The following RNF157 variants were observed in gnomAD, a reference collection of about 807,000 sequenced individuals.
RNF157 encodes the protein E3 ubiquitin ligase RNF157.
A neutral mutation model predicts 88.3 loss-of-function variants in RNF157; 55 were observed. The ratio of observed to expected loss-of-function variants is 0.62; its 90% CI spans 0.50 to 0.78. The LOEUF (loss-of-function observed/expected upper bound fraction) is 0.78, where lower values mean the gene tolerates loss of function less well. Ranked by LOEUF, RNF157 falls within the 30% of genes least tolerant of loss-of-function variation. The pLI, the probability that RNF157 is intolerant of heterozygous loss-of-function variation, is 0.00. For missense variants in RNF157, 788 were observed against 860.8 expected (o/e 0.92, Z 1.06); for synonymous variants, 334 against 341.2 (o/e 0.98, Z 0.23).
At chr17:76,204,872 C>T (rs190633038) in intron 2 of RNF157, among the ~76,000 whole-genome samples, 3 of 151,436 alleles carry the variant, frequency 2.0e-5, no homozygotes, top group Admixed American at 6.6e-5. Flanking sequence ...GAAACCTGTG[C>T]ATCCTGGGTT....
At chr17:76,169,551 T>C (rs1161605694) in intron 3 of RNF157, among the ~76,000 whole-genome samples, 2 of 150,036 alleles carry the variant, frequency 1.3e-5, no homozygotes, top group African/African-American at 4.9e-5. Context: ...GGATTAGAGG[T>C]GTGAGCCACC....
intron 2 of RNF157, among the ~76,000 whole-genome samples, chr17:76,206,426 C>T (rs2069683179): frequency 6.6e-6 from 1 of 152,150 alleles, no homozygotes; most frequent in African/African-American, 2.4e-5. Context: ...GTAACTGATT[C>T]ACAGATACCT....
intron 2 of RNF157, among the ~76,000 whole-genome samples, chr17:76,178,743 G>GT (rs1478144645): frequency 6.6e-6 from 1 of 152,154 alleles, no homozygotes; most frequent in African/African-American, 2.4e-5. Context: ...ATTTTTGCAG[G>GT]TAAGAAAACA....
chr17:76,193,651 G>C (rs73996170), intron 2 of RNF157, among the ~76,000 whole-genome samples: 3 of 151,960 alleles, frequency 2.0e-5, no homozygotes, highest in Admixed American at 6.6e-5. Flanking sequence ...CTAAGGTAAC[G>C]TGAGAGTTAA....
At chr17:76,212,298 T>A in intron 2 of RNF157, 66 bp downstream of exon 2, 1 of 1,158,102 alleles carries the variant, frequency 8.6e-7, no homozygotes, top group Non-Finnish European at 1.3e-6. Flanking sequence ...TGCAAACTTA[T>A]TTTTGTTACA....
At chr17:76,151,577 C>T (rs917026008) in intron 18 of RNF157, among the ~76,000 whole-genome samples, 11 of 152,334 alleles carry the variant, frequency 7.2e-5, no homozygotes, top group African/African-American at 2.6e-4. Flanking sequence ...TTGACTCAGT[C>T]CGCTTGGGCA....
chr17:76,159,755 A>G (rs2068820730), intron 11 of RNF157, among the ~76,000 whole-genome samples, 182 bp from the exon 12 acceptor site: 1 of 152,132 alleles, frequency 6.6e-6, no homozygotes, highest in African/African-American at 2.4e-5. Context: ...GATCCTGCTT[A>G]TTGGTAAGCT....
At chr17:76,215,765 T>C (rs1191538424) in intron 1 of RNF157, among the ~76,000 whole-genome samples, 1 of 152,168 alleles carries the variant, frequency 6.6e-6, no homozygotes, top group Non-Finnish European at 1.5e-5. Context: ...GAAAACATTC[T>C]TTGAGAGTAA....
rs117064698 is a variant in RNF157 at position 76,176,748 on chromosome 17, C to T, written c.208-2958G>A. ...GGTAGGGCAAAGAGGAGCCCCGAGG[C>T]GGAGCTGGGCCTTGGCCAGTGTCCC... On this transcript the variant is annotated intron_variant, in intron 2 of 18. Transcript: ENST00000269391. The surrounding 1 kb of genome is among the most constrained non-coding windows in gnomAD (Gnocchi z 4.2). Among the ~76,000 whole-genome samples, 105 of 152,334 alleles carry T rather than the reference C, an allele frequency of 6.9e-4. 2 individuals are homozygous for T. In the East Asian group the frequency reaches 0.019, roughly 28 times the overall value.
At chr17:76,184,333 CT>C (rs944180902) in intron 2 of RNF157, among the ~76,000 whole-genome samples, 2 of 152,008 alleles carry the variant, frequency 1.3e-5, no homozygotes, top group Admixed American at 6.6e-5. Context: ...TACATAATCT[CT>C]TTTTTTATAG....
chr17:76,227,996 G>C (rs2070123135), intron 1 of RNF157, among the ~76,000 whole-genome samples: 1 of 151,932 alleles, frequency 6.6e-6, no homozygotes, highest in Non-Finnish European at 1.5e-5. Flanking sequence ...TTAATTAACT[G>C]TTTCCCTACT....
chr17:76,224,426 T>C (rs1328351748), intron 1 of RNF157, among the ~76,000 whole-genome samples: 2 of 152,172 alleles, frequency 1.3e-5, no homozygotes, highest in East Asian at 1.9e-4. Flanking sequence ...CTATAGGCTA[T>C]GGGAATCCTA....
chr17:76,173,391 A>C (rs918783907), intron 3 of RNF157, among the ~76,000 whole-genome samples: 2 of 152,236 alleles, frequency 1.3e-5, no homozygotes, highest in Admixed American at 1.3e-4. Context: ...GTAGCTGCAA[A>C]AATTCCCATT....
At chr17:76,182,113 C>A (rs143174729) in intron 2 of RNF157, among the ~76,000 whole-genome samples, 2 of 152,020 alleles carry the variant, frequency 1.3e-5, no homozygotes, top group African/African-American at 4.8e-5. Flanking sequence ...ATACAACATC[C>A]TCCTGGGACT....
At chr17:76,167,843 T>C (rs778293401) in intron 3 of RNF157, 46 bp from the exon 4 acceptor site, 1 of 1,571,776 alleles carries the variant, frequency 6.4e-7, no homozygotes. Context: ...ATATCAATAT[T>C]TTAAAATTTA....
chr17:76,182,845 G>GATATATATATCCTATATATCCTATATAT (rs2069219657), intron 2 of RNF157, among the ~76,000 whole-genome samples: 1 of 77,990 alleles, frequency 1.3e-5, no homozygotes, highest in African/African-American at 6.0e-5. Context: ...ATGATATATA[G>GATATATATATCCTATATATCCTATATAT]GATATATAGG....
At chr17:76,200,929 TTCTG>T (rs1598425310) in intron 2 of RNF157, among the ~76,000 whole-genome samples, 1 of 152,142 alleles carries the variant, frequency 6.6e-6, no homozygotes, top group South Asian at 2.1e-4. Flanking sequence ...TACTCTGGTT[TTCTG>T]TCTTTCTCCG....
chr17:76,187,990 T>G (rs1050611925), intron 2 of RNF157, among the ~76,000 whole-genome samples: 1 of 152,214 alleles, frequency 6.6e-6, no homozygotes, highest in African/African-American at 2.4e-5. Flanking sequence ...AAGGTGGCAC[T>G]TGTTCCGTTT....
intron 2 of RNF157, among the ~76,000 whole-genome samples, chr17:76,185,536 C>A (rs2069269556): frequency 6.7e-6 from 1 of 148,638 alleles, no homozygotes; most frequent in Admixed American, 6.7e-5. Context: ...GTGGCGCGAT[C>A]TCGGCTCACT....
Sources: allele counts gnomAD v4.1 joint callset (sites outside exome capture counted in the v4.1 genomes callset), GRCh38; gene constraint gnomAD v4.1.1; non-coding constraint Gnocchi (gnomAD v3.1); transcripts MANE v1.5; gene names NCBI Gene and HGNC (gene_info 2026-07-23, HGNC 2026-07-21).